Variants in DOCK2 observed in about 807,000 individuals in gnomAD.
DOCK2 encodes dedicator of cytokinesis 2, also known as dedicator of cytokinesis protein 2.
In DOCK2, 87 loss-of-function variants were observed where a neutral mutation model predicts 248.9. The ratio of observed to expected loss-of-function variants is 0.35; its 90% CI spans 0.29 to 0.42. DOCK2 has a LOEUF of 0.42. Among genes scored for constraint, DOCK2 ranks in the 10% least tolerant of loss-of-function variants. DOCK2 has a pLI of 1.00. For missense variants in DOCK2, 1,747 were observed against 2,300.2 expected (o/e 0.76, Z 4.92); for synonymous variants, 805 against 821.6 (o/e 0.98, Z 0.35).
At chr5:169,742,015 A>G (rs13190499) in intron 22 of DOCK2, among the ~76,000 whole-genome samples, 1 of 151,440 alleles carries the variant, frequency 6.6e-6, no homozygotes, top group African/African-American at 2.4e-5. Flanking sequence ...ATGGAGTTTC[A>G]CCGTGTTAGC....
chr5:169,677,724 G>A (rs555694951), intron 6 of DOCK2, among the ~76,000 whole-genome samples: 43 of 152,310 alleles, frequency 2.8e-4, no homozygotes, highest in African/African-American at 9.9e-4. Flanking sequence ...TGAAGTGCAG[G>A]CTCTGCTGCT....
At chr5:169,825,623 G>T (rs1768794255) in intron 26 of DOCK2, among the ~76,000 whole-genome samples, 1 of 117,872 alleles carries the variant, frequency 8.5e-6, no homozygotes, top group African/African-American at 3.2e-5. Context: ...CCTGTTGTGG[G>T]GTGGGGGGAG....
chr5:169,767,778 A>G (rs1764873101), intron 25 of DOCK2, among the ~76,000 whole-genome samples: 1 of 152,228 alleles, frequency 6.6e-6, no homozygotes, highest in Non-Finnish European at 1.5e-5. Context: ...TATTTATCAA[A>G]TGCCAGCTCT....
At chr5:170,062,262 G>C (rs10052971) in intron 44 of DOCK2, among the ~76,000 whole-genome samples, 1,827 of 152,134 alleles carry the variant, frequency 0.012, 34 homozygotes, top group African/African-American at 0.04. Context: ...TCACAGAAAT[G>C]GTTTTAAAAG....
intron 27 of DOCK2, among the ~76,000 whole-genome samples, chr5:169,858,646 A>G (rs1389085816): frequency 6.6e-6 from 1 of 152,138 alleles, no homozygotes; most frequent in Non-Finnish European, 1.5e-5. Context: ...TCAGAGTGTA[A>G]TGTTATTCCC....
intron 27 of DOCK2, among the ~76,000 whole-genome samples, chr5:169,960,369 G>T (rs1777035841): frequency 6.6e-6 from 1 of 152,116 alleles, no homozygotes; most frequent in African/African-American, 2.4e-5. Context: ...GCTATTTCTG[G>T]TTCTTGTAGC....
At chr5:169,810,767 C>A (rs1429550475) in intron 26 of DOCK2, among the ~76,000 whole-genome samples, 1 of 152,102 alleles carries the variant, frequency 6.6e-6, no homozygotes, top group African/African-American at 2.4e-5. Flanking sequence ...GCAAGCGACT[C>A]CATCTTGGTT....
chr5:169,779,190 G>A (rs1765552640), intron 25 of DOCK2: 1 of 152,188 alleles, frequency 6.6e-6, no homozygotes, highest in Admixed American at 6.5e-5. Context: ...TTTTACAGAG[G>A]AGGAAAAAAG....
intron 25 of DOCK2, among the ~76,000 whole-genome samples, chr5:169,777,172 C>T (rs191089405): frequency 2.6e-5 from 4 of 152,164 alleles, no homozygotes; most frequent in Admixed American, 2.6e-4. Context: ...AAGGTGCATG[C>T]ACACACACAC....
intron 27 of DOCK2, 140 bp downstream of exon 27, chr5:169,840,992 T>C: frequency 1.1e-6 from 1 of 942,642 alleles, no homozygotes; most frequent in African/African-American, 1.6e-5. Flanking sequence ...ATTTTTCCTG[T>C]CTGAGTTGGG....
At chr5:169,740,640 C>T (rs1327305465) in intron 22 of DOCK2, among the ~76,000 whole-genome samples, 1 of 152,206 alleles carries the variant, frequency 6.6e-6, no homozygotes, top group Non-Finnish European at 1.5e-5. Flanking sequence ...TGAAGTAAAG[C>T]CTGCACAGGC....
intron 46 of DOCK2, among the ~76,000 whole-genome samples, chr5:170,069,835 T>A (rs556376858): frequency 7.9e-5 from 12 of 152,140 alleles, no homozygotes; most frequent in Non-Finnish European, 1.6e-4. Flanking sequence ...GCATCCCTCT[T>A]CTTCCTGTGG....
At chr5:170,004,123 A>G (rs1754934745) in intron 30 of DOCK2, among the ~76,000 whole-genome samples, 1 of 152,270 alleles carries the variant, frequency 6.6e-6, no homozygotes, top group Admixed American at 6.5e-5. Flanking sequence ...TCATAGCAGC[A>G]TAGCGTCAAT....
At chr5:169,982,599 A>G (rs1043349760) in intron 27 of DOCK2, among the ~76,000 whole-genome samples, 2 of 152,168 alleles carry the variant, frequency 1.3e-5, no homozygotes, top group Admixed American at 1.3e-4. Flanking sequence ...ACCAAGTGGC[A>G]GGCCCCAGGA....
At chr5:169,809,170 T>C (rs1020713251) in intron 26 of DOCK2, among the ~76,000 whole-genome samples, 2 of 152,148 alleles carry the variant, frequency 1.3e-5, no homozygotes, top group Admixed American at 1.3e-4. Flanking sequence ...TTTGTATTTT[T>C]AGTAGAGACG....
chr5:170,023,917 T>C (rs1314486669), intron 33 of DOCK2, among the ~76,000 whole-genome samples: 1 of 152,164 alleles, frequency 6.6e-6, no homozygotes, highest in Non-Finnish European at 1.5e-5. Flanking sequence ...TCAGAAAACA[T>C]TCTAGGAGAA....
chr5:169,941,721 G>A (rs1296050119), intron 27 of DOCK2, among the ~76,000 whole-genome samples: 4 of 152,188 alleles, frequency 2.6e-5, no homozygotes, highest in African/African-American at 7.2e-5. Context: ...CTGTTATGTG[G>A]AAAACAAACT....
At chr5:169,824,103 T>C (rs1474367964) in intron 26 of DOCK2, among the ~76,000 whole-genome samples, 1 of 152,224 alleles carries the variant, frequency 6.6e-6, no homozygotes, top group East Asian at 1.9e-4. Context: ...TACAAACCAC[T>C]GCTCAATGAA....
chr5:170,061,781 A>G (rs578204867), intron 44 of DOCK2, among the ~76,000 whole-genome samples: 5 of 152,242 alleles, frequency 3.3e-5, no homozygotes, highest in Non-Finnish European at 7.3e-5. Flanking sequence ...TTAAAGCCTG[A>G]GTCTTTCAGA....
Sources: allele counts gnomAD v4.1 joint callset (sites outside exome capture counted in the v4.1 genomes callset), GRCh38; gene constraint gnomAD v4.1.1; transcripts MANE v1.5; gene names NCBI Gene and HGNC (gene_info 2026-07-23, HGNC 2026-07-21).